Variants in PTPRD observed in about 807,000 individuals in gnomAD.
PTPRD encodes the protein protein tyrosine phosphatase receptor type D.
PTPRD carries 34 observed loss-of-function variants against 214.5 expected under a neutral mutation model. The ratio of observed to expected loss-of-function variants is 0.16; its 90% CI spans 0.12 to 0.21. The LOEUF (loss-of-function observed/expected upper bound fraction) is 0.21. PTPRD is among the 10% of genes least tolerant of loss of function. PTPRD has a pLI of 1.00. For synonymous variants in PTPRD, 1,128 were observed against 845.7 expected (o/e 1.33, Z -5.79); for missense variants, 2,545 against 2,398.7 (o/e 1.06, Z -1.27).
At position 9,795,199 on chromosome 9, in the gene PTPRD, G is replaced by A. The variant is rs1485659926; in HGVS notation, c.-367-28348C>T. 1.3e-4 allele frequency among the ~76,000 whole-genome samples: 20 copies of A among 152,252 alleles called. No homozygotes were observed. The South Asian group carries it at 4.1e-3, about 32-fold the overall frequency. On this transcript the variant is annotated intron_variant, in intron 5 of 45. Coordinates refer to ENST00000381196, the MANE Select transcript of PTPRD (RefSeq NM_002839.4). ...ACTTTTGCTCCTGTCCTATGGTGTT[G>A]GAAAGGCCACATGTATTTGGAGATC...
intron 10 of PTPRD, among the ~76,000 whole-genome samples, chr9:9,045,387 C>T (rs1343117437): frequency 1.3e-5 from 2 of 151,624 alleles, no homozygotes; most frequent in Admixed American, 6.6e-5. Flanking sequence ...GTTTCTAAGT[C>T]GTGAGCATGT....
chr9:8,376,541 T>A, intron 38 of PTPRD, 66 bp downstream of exon 38: 1 of 1,603,412 alleles, frequency 6.2e-7, no homozygotes, highest in East Asian at 2.3e-5. Context: ...AGATTTCATT[T>A]CTCAAAAGAA....
chr9:8,492,026 T>G (rs1446855545), intron 27 of PTPRD, among the ~76,000 whole-genome samples: 1 of 152,234 alleles, frequency 6.6e-6, no homozygotes, highest in Non-Finnish European at 1.5e-5. Context: ...TCATGCTGGC[T>G]TTTCCTACTG....
chr9:8,350,630 C>A (rs1468216695), intron 39 of PTPRD, among the ~76,000 whole-genome samples: 1 of 152,106 alleles, frequency 6.6e-6, no homozygotes, highest in Non-Finnish European at 1.5e-5. Flanking sequence ...AGATACTGGG[C>A]ATCTCTACGA....
chr9:9,058,719 G>T (rs887198179), intron 10 of PTPRD, among the ~76,000 whole-genome samples: 1 of 151,896 alleles, frequency 6.6e-6, no homozygotes, highest in Non-Finnish European at 1.5e-5. Context: ...AAAGTGCTGG[G>T]ACTACAGGCG....
At chr9:9,403,488 C>T (rs1473548065) in intron 8 of PTPRD, among the ~76,000 whole-genome samples, 1 of 151,108 alleles carries the variant, frequency 6.6e-6, no homozygotes, top group Admixed American at 6.6e-5. Flanking sequence ...TTTGAAAGCA[C>T]TGCATAATCA....
chr9:8,351,935 G>A (rs2075609454), intron 39 of PTPRD, among the ~76,000 whole-genome samples: 1 of 151,848 alleles, frequency 6.6e-6, no homozygotes, highest in East Asian at 1.9e-4. Flanking sequence ...AAGGATCCTT[G>A]TATAGAATAC....
At chr9:10,133,036 T>G (rs180880698) in intron 3 of PTPRD, among the ~76,000 whole-genome samples, 1 of 152,308 alleles carries the variant, frequency 6.6e-6, no homozygotes, top group East Asian at 1.9e-4. Flanking sequence ...TCAACTTCCA[T>G]GGCATGAGAA....
rs995827531 is a variant in PTPRD, at chr9:10,460,431, GA to G, written c.-599-119415del. On this transcript the variant is annotated intron_variant, in intron 2 of 45. Transcript: ENST00000381196. ...GATCTTGAATAGCCAAAACAATTCT[GA>G]AAAAAAAAAAAGTTGAAAACATCAT... 6.6e-3 allele frequency among the ~76,000 whole-genome samples: 915 copies of G among 138,174 alleles called. 6 individuals carry two copies. Among genetic ancestry groups the G allele is most frequent in the African/African-American group, 0.02 (765 of 37,988 alleles). 90.6% of individuals were successfully genotyped at this position (138,174 alleles called of 152,430 possible).
chr9:8,992,918 T>C (rs2099382934), intron 11 of PTPRD, among the ~76,000 whole-genome samples: 1 of 152,110 alleles, frequency 6.6e-6, no homozygotes, highest in Non-Finnish European at 1.5e-5. Context: ...AAATATTTGT[T>C]GGTGAGGCTG....
At chr9:8,872,795 A>G (rs1253272549) in intron 11 of PTPRD, among the ~76,000 whole-genome samples, 1 of 152,242 alleles carries the variant, frequency 6.6e-6, no homozygotes, top group African/African-American at 2.4e-5. Context: ...AGGAGGCGGC[A>G]TTTGCCAGTA....
chr9:9,414,645 T>G (rs534054059), intron 8 of PTPRD: 1 of 152,294 alleles, frequency 6.6e-6, no homozygotes, highest in African/African-American at 2.4e-5. Flanking sequence ...ATTAGAACCA[T>G]CATATCAAAT....
chr9:9,792,202 G>T (rs551681135), intron 5 of PTPRD, among the ~76,000 whole-genome samples: 1 of 151,938 alleles, frequency 6.6e-6, no homozygotes, highest in Non-Finnish European at 1.5e-5. Flanking sequence ...CTCAGTGAGT[G>T]TGAAACTTTT....
intron 34 of PTPRD, among the ~76,000 whole-genome samples, chr9:8,447,236 C>T (rs922080859): frequency 3.0e-4 from 45 of 152,270 alleles, no homozygotes; most frequent in African/African-American, 1.1e-3. Context: ...TTGTCTACTA[C>T]AGCTCCTCTC....
intron 10 of PTPRD, among the ~76,000 whole-genome samples, chr9:9,119,145 A>G (rs544250817): frequency 1.3e-5 from 2 of 152,338 alleles, no homozygotes; most frequent in East Asian, 3.9e-4. Context: ...TCTCTGCAGA[A>G]GTGAAGTGAA....
intron 5 of PTPRD, among the ~76,000 whole-genome samples, chr9:9,909,119 G>A (rs7850092): frequency 0.3 from 44,773 of 151,528 alleles, 7,351 homozygotes; most frequent in African/African-American, 0.43. Context: ...TATTATGGAG[G>A]GAGTAGATGT....
chr9:10,141,377 T>C (rs2098983854), intron 3 of PTPRD, among the ~76,000 whole-genome samples: 1 of 152,138 alleles, frequency 6.6e-6, no homozygotes, highest in Non-Finnish European at 1.5e-5. Context: ...AAAATCTCCT[T>C]AAGCTGATAA....
intron 9 of PTPRD, among the ~76,000 whole-genome samples, chr9:9,244,208 T>A (rs1056866045): frequency 1.3e-5 from 2 of 152,096 alleles, no homozygotes; most frequent in Admixed American, 6.6e-5. Flanking sequence ...ATGGCCATAC[T>A]GCCCAAGGTA....
chr9:9,539,459 T>A (rs1470894617), intron 8 of PTPRD, among the ~76,000 whole-genome samples: 1 of 151,902 alleles, frequency 6.6e-6, no homozygotes, highest in Non-Finnish European at 1.5e-5. Flanking sequence ...TCATAAGTCA[T>A]GAGCTGATCT....
Sources: gnomAD v4.1 joint callset for allele counts (sites outside exome capture counted in the v4.1 genomes callset) on GRCh38, gnomAD v4.1.1 for gene constraint, MANE v1.5 for transcripts, NCBI Gene and HGNC (gene_info 2026-07-23, HGNC 2026-07-21) for gene names.